The following SYNDIG1 variants were observed in gnomAD, a reference collection of about 807,000 sequenced individuals.
SYNDIG1 encodes the protein synapse differentiation-inducing gene protein 1.
In SYNDIG1, 9 loss-of-function variants were observed where a neutral mutation model predicts 19.4. The ratio of observed to expected loss-of-function variants is 0.46; its 90% CI spans 0.28 to 0.81. The LOEUF is 0.81. Ranked by LOEUF, SYNDIG1 falls within the 30% of genes least tolerant of loss-of-function variation. The probability of loss-of-function intolerance (pLI) is 0.12; values close to 1 mark genes in which losing one functional copy is unlikely to be tolerated. For missense variants in SYNDIG1, 311 were observed against 343.3 expected, an observed-to-expected ratio of 0.91 and a Z score of 0.74; for synonymous variants, 141 against 145.9, an observed-to-expected ratio of 0.97 and a Z score of 0.24.
intron 1 of SYNDIG1, among the ~76,000 whole-genome samples, chr20:24,494,028 G>A (rs980429976): frequency 4.0e-4 from 61 of 152,352 alleles, no homozygotes; most frequent in African/African-American, 1.4e-3. Flanking sequence ...TGGCAGCTCG[G>A]CTGGTTGCAT....
intron 3 of SYNDIG1, among the ~76,000 whole-genome samples, chr20:24,625,526 G>T (rs1381293821): frequency 6.6e-6 from 1 of 151,410 alleles, no homozygotes; most frequent in African/African-American, 2.4e-5. Context: ...CAGAGTGTTT[G>T]TGTCCCTGGG....
chr20:24,626,436 C>A (rs187365029), intron 3 of SYNDIG1, among the ~76,000 whole-genome samples: 1 of 149,252 alleles, frequency 6.7e-6, no homozygotes, highest in Non-Finnish European at 1.5e-5. Flanking sequence ...ACATCCTAGA[C>A]GGGGCAGCAG....
At chr20:24,544,977 G>A (rs1028703192) in intron 2 of SYNDIG1, among the ~76,000 whole-genome samples, 1 of 152,174 alleles carries the variant, frequency 6.6e-6, no homozygotes, top group African/African-American at 2.4e-5. Context: ...GAGGAGGCAG[G>A]AGAAAGCAAT....
chr20:24,500,244 C>A (rs985454279), intron 1 of SYNDIG1, among the ~76,000 whole-genome samples: 2 of 152,044 alleles, frequency 1.3e-5, no homozygotes, highest in Non-Finnish European at 2.9e-5. Context: ...AAATGTGATT[C>A]CTATGTTTCT....
intron 1 of SYNDIG1, among the ~76,000 whole-genome samples, chr20:24,509,008 A>C (rs151179974): frequency 2.0e-5 from 3 of 152,344 alleles, no homozygotes; most frequent in African/African-American, 4.8e-5. Flanking sequence ...CATCAGTAAA[A>C]AATGTAAAGA....
chr20:24,559,437 A>G (rs1481699356), intron 2 of SYNDIG1, among the ~76,000 whole-genome samples: 1 of 152,250 alleles, frequency 6.6e-6, no homozygotes, highest in Non-Finnish European at 1.5e-5. Context: ...TGTACTCCAT[A>G]AATGTGTACA....
rs1384923585 is a variant in SYNDIG1 at position 24,590,776 on chromosome 20, C to A, written c.618+5783C>A. Among the ~76,000 whole-genome samples the A allele has an allele frequency of 2.6e-5, 4 of 152,082 alleles. No individual in the cohort carries two copies. In the East Asian group the frequency reaches 7.7e-4, roughly 29 times the overall value. On this transcript the variant is annotated intron_variant, in intron 3 of 3. Coordinates refer to ENST00000376862, the MANE Select transcript of SYNDIG1 (RefSeq NM_024893.3). ...TGGGGGCTCCAGGGAGACGTCTGGGCCGAGGGTAGGAGTGTAAGGCCTGAG... is the reference window on the plus strand; with the variant it reads ...TGGGGGCTCCAGGGAGACGTCTGGGACGAGGGTAGGAGTGTAAGGCCTGAG...
chr20:24,579,212 A>T (rs2058282273), intron 2 of SYNDIG1, among the ~76,000 whole-genome samples: 2 of 152,168 alleles, frequency 1.3e-5, no homozygotes, highest in Admixed American at 1.3e-4. Context: ...CTTGCAAGGA[A>T]TAGTCTTTGC....
intron 3 of SYNDIG1, among the ~76,000 whole-genome samples, chr20:24,585,773 C>A (rs1400008426): frequency 6.6e-6 from 1 of 152,252 alleles, no homozygotes; most frequent in African/African-American, 2.4e-5. Flanking sequence ...CCACTGCTAT[C>A]TGCCCAACCA....
chr20:24,572,632 A>G (rs1600657230), intron 2 of SYNDIG1, among the ~76,000 whole-genome samples: 2 of 152,260 alleles, frequency 1.3e-5, no homozygotes, highest in Non-Finnish European at 2.9e-5. Context: ...GTTGGGCAGG[A>G]TATGGGGAGT....
At chr20:24,660,284 G>A (rs565694536) in intron 3 of SYNDIG1, among the ~76,000 whole-genome samples, 9 of 152,162 alleles carry the variant, frequency 5.9e-5, no homozygotes, top group African/African-American at 1.9e-4. Flanking sequence ...TTGTTGTTGC[G>A]TGATGTATCT....
At chr20:24,621,672 G>T (rs908438848) in intron 3 of SYNDIG1, among the ~76,000 whole-genome samples, 5 of 152,058 alleles carry the variant, frequency 3.3e-5, no homozygotes, top group African/African-American at 1.2e-4. Flanking sequence ...GGCCAACTAT[G>T]CACTCCAAAG....
chr20:24,601,390 A>C (rs1568675741), intron 3 of SYNDIG1, among the ~76,000 whole-genome samples: 1 of 152,162 alleles, frequency 6.6e-6, no homozygotes, highest in South Asian at 2.1e-4. Flanking sequence ...CTATTTTTCA[A>C]ATCTTTGATA....
At chr20:24,528,319 G>A (rs886389052) in intron 1 of SYNDIG1, among the ~76,000 whole-genome samples, 1 of 144,816 alleles carries the variant, frequency 6.9e-6, no homozygotes, top group African/African-American at 2.9e-5. Flanking sequence ...ATTCACTGTG[G>A]GCCAGATTTG....
chr20:24,493,715 G>C (rs953184267), intron 1 of SYNDIG1, among the ~76,000 whole-genome samples: 1 of 152,194 alleles, frequency 6.6e-6, no homozygotes, highest in Non-Finnish European at 1.5e-5. Context: ...GTGGAGGGTG[G>C]TGGAGGAGGA....
chr20:24,614,104 C>T (rs942370922), intron 3 of SYNDIG1, among the ~76,000 whole-genome samples: 1 of 152,232 alleles, frequency 6.6e-6, no homozygotes, highest in Non-Finnish European at 1.5e-5. Context: ...AATTGATCCT[C>T]CTGCCTCAGC....
At chr20:24,659,859 A>C (rs1267018649) in intron 3 of SYNDIG1, among the ~76,000 whole-genome samples, 6 of 152,200 alleles carry the variant, frequency 3.9e-5, no homozygotes, top group African/African-American at 1.4e-4. Flanking sequence ...GAGTTTCTCT[A>C]TTCTCTGTAG....
intron 2 of SYNDIG1, among the ~76,000 whole-genome samples, chr20:24,560,707 T>C (rs1568642675): frequency 2.0e-5 from 3 of 150,888 alleles, no homozygotes; most frequent in African/African-American, 7.3e-5. Context: ...TTTTTTTTTT[T>C]TTTTTTTTAA....
intron 3 of SYNDIG1, among the ~76,000 whole-genome samples, chr20:24,605,314 T>C (rs552566266): frequency 6.6e-6 from 1 of 152,182 alleles, no homozygotes; most frequent in Non-Finnish European, 1.5e-5. Flanking sequence ...ACAAATGCAT[T>C]GAAAAACATT....
Sources: allele counts gnomAD v4.1 joint callset (sites outside exome capture counted in the v4.1 genomes callset), GRCh38; gene constraint gnomAD v4.1.1; transcripts MANE v1.5; gene names NCBI Gene and HGNC (gene_info 2026-07-23, HGNC 2026-07-21).